The following EHBP1 variants were observed in gnomAD, a reference collection of about 807,000 sequenced individuals.
The protein encoded by EHBP1 is EH domain-binding protein 1.
In EHBP1, 55 loss-of-function variants were observed where a neutral mutation model predicts 144.0. The observed-to-expected ratio is 0.38, with a 90% confidence interval of 0.31 to 0.48. The LOEUF is 0.48. Ranked by LOEUF, EHBP1 falls within the 20% of genes least tolerant of loss-of-function variation. The pLI, the probability that EHBP1 is intolerant of heterozygous loss-of-function variation, is 0.98. For synonymous variants in EHBP1, 469 were observed against 472.7 expected (o/e 0.99, Z 0.10); for missense variants, 1,200 against 1,364.2 (o/e 0.88, Z 1.90).
intron 19 of EHBP1, among the ~76,000 whole-genome samples, chr2:63,024,314 C>T (rs533933970): frequency 5.9e-5 from 9 of 151,992 alleles, no homozygotes; most frequent in South Asian, 2.1e-4. Context: ...ATTGCACTGC[C>T]GCCTGGATGA....
chr2:63,026,562 A>G (rs1348960985), intron 19 of EHBP1, among the ~76,000 whole-genome samples: 1 of 152,222 alleles, frequency 6.6e-6, no homozygotes, highest in Non-Finnish European at 1.5e-5. Context: ...ACACAAGTTC[A>G]TATAGCTCTT....
At chr2:62,762,386 T>C (rs1013300427) in intron 3 of EHBP1, among the ~76,000 whole-genome samples, 5 of 152,194 alleles carry the variant, frequency 3.3e-5, no homozygotes, top group African/African-American at 1.2e-4. Context: ...ACTTTAAATA[T>C]TACCTGTATG....
Position 62,707,000 on chromosome 2 carries a change from C to T in EHBP1, c.-192C>T. Reference sequence around the variant, plus strand: ...GTCACGTATATCATAGTGTTCTTGACTGGGCCATTCATCTAAGATGGGATT... The same window carrying T: ...GTCACGTATATCATAGTGTTCTTGATTGGGCCATTCATCTAAGATGGGATT... On this transcript the variant is annotated 5_prime_UTR_variant, in exon 2 of 23. Transcript: ENST00000431489. The T allele has an allele frequency of 1.8e-6, 1 of 559,916 alleles. No individual in the cohort carries two copies. The highest frequency in any genetic ancestry group is 3.2e-6 in the Non-Finnish European group (1 of 309,954). The allele number at this position is 559,916 out of a possible 1,614,324, so 34.7% of individuals were successfully genotyped here.
chr2:62,793,235 TA>T (rs1464549994), intron 5 of EHBP1, among the ~76,000 whole-genome samples: 1 of 152,088 alleles, frequency 6.6e-6, no homozygotes, highest in African/African-American at 2.4e-5. Flanking sequence ...TGGATAGGTA[TA>T]AAAGATCAAT....
intron 10 of EHBP1, among the ~76,000 whole-genome samples, chr2:62,900,867 A>G (rs2053361139): frequency 6.6e-6 from 1 of 152,072 alleles, no homozygotes; most frequent in African/African-American, 2.4e-5. Flanking sequence ...CTTCTTGGAA[A>G]GTATATCTTA....
At position 62,714,582 on chromosome 2, in the gene EHBP1, G is replaced by A. The variant is rs571868218; in HGVS notation, c.104+7287G>A. Among the ~76,000 whole-genome samples, 108 of 152,274 alleles carry A rather than the reference G, an allele frequency of 7.1e-4. 1 individual carries two copies. The highest frequency in any genetic ancestry group is 2.4e-3 in the African/African-American group (101 of 41,552). ...ACTACTTCCAGCATAGAGTTGTTTT[G>A]AAGATTAAGTAAGATAATACCTGTA... On this transcript the variant is annotated intron_variant, in intron 2 of 22. Transcript: ENST00000431489.
At chr2:62,832,187 T>G (rs2046864772) in intron 7 of EHBP1, among the ~76,000 whole-genome samples, 1 of 152,230 alleles carries the variant, frequency 6.6e-6, no homozygotes, top group South Asian at 2.1e-4. Context: ...CTTTGTTTAT[T>G]TATTTCTAGT....
chr2:62,833,533 G>T (rs762794005), intron 7 of EHBP1, among the ~76,000 whole-genome samples: 28 of 152,168 alleles, frequency 1.8e-4, no homozygotes, highest in Non-Finnish European at 3.7e-4. Context: ...TTATCGCGTG[G>T]TTTACTGAAT....
chr2:62,964,377 A>G (rs947133796), intron 14 of EHBP1, among the ~76,000 whole-genome samples: 2 of 152,222 alleles, frequency 1.3e-5, no homozygotes, highest in African/African-American at 4.8e-5. Flanking sequence ...CGTGTTGAAC[A>G]TCCCAGGATG....
intron 19 of EHBP1, among the ~76,000 whole-genome samples, chr2:63,002,005 G>A: frequency 6.6e-6 from 1 of 152,292 alleles, no homozygotes; most frequent in Middle Eastern, 3.4e-3. Context: ...ACAAGCTCAT[G>A]TGCCTCTTAA....
chr2:62,710,526 T>C (rs1216581110), intron 2 of EHBP1, among the ~76,000 whole-genome samples: 1 of 150,980 alleles, frequency 6.6e-6, no homozygotes, highest in Non-Finnish European at 1.5e-5. Context: ...ATAATTTTAA[T>C]TATAATTTAT....
chr2:62,699,215 T>C (rs1168124543), intron 1 of EHBP1, among the ~76,000 whole-genome samples: 2 of 152,342 alleles, frequency 1.3e-5, no homozygotes, highest in East Asian at 1.9e-4. Flanking sequence ...CTGGATGCTG[T>C]ATCTGGTTAC....
chr2:63,044,981 A>G, intron 21 of EHBP1, 85 bp from the exon 22 acceptor site: 1 of 986,002 alleles, frequency 1.0e-6, no homozygotes, highest in Non-Finnish European at 1.5e-6. Flanking sequence ...AATATAAGGA[A>G]ACTGGAAAAG....
At chr2:62,685,100 T>C (rs1200235656) in intron 1 of EHBP1, among the ~76,000 whole-genome samples, 1 of 152,164 alleles carries the variant, frequency 6.6e-6, no homozygotes, top group African/African-American at 2.4e-5. Context: ...ACAAGGTATA[T>C]TGGACAGTCT....
intron 21 of EHBP1, among the ~76,000 whole-genome samples, chr2:63,042,699 A>G (rs1261683855): frequency 6.6e-6 from 1 of 151,922 alleles, no homozygotes; most frequent in Non-Finnish European, 1.5e-5. Flanking sequence ...AATTTTCTTT[A>G]ATGTCCTCTC....
intron 1 of EHBP1, among the ~76,000 whole-genome samples, chr2:62,675,005 G>T (rs115647015): frequency 0.012 from 1,872 of 152,268 alleles, 34 homozygotes; most frequent in African/African-American, 0.043. Flanking sequence ...CAGAGAGGGA[G>T]AACTTGAGTT....
chr2:62,804,065 T>C (rs1184247506), intron 5 of EHBP1, among the ~76,000 whole-genome samples: 6 of 152,364 alleles, frequency 3.9e-5, no homozygotes, highest in Admixed American at 3.3e-4. Flanking sequence ...AAGTAGCTTC[T>C]ATTGTTATTT....
chr2:62,897,126 T>A (rs2053002887), intron 10 of EHBP1, among the ~76,000 whole-genome samples: 1 of 152,208 alleles, frequency 6.6e-6, no homozygotes, highest in African/African-American at 2.4e-5. Context: ...TTGTGTATTC[T>A]CCTCGTAGTT....
intron 5 of EHBP1, among the ~76,000 whole-genome samples, chr2:62,802,324 C>G (rs972903667): frequency 3.9e-5 from 6 of 152,134 alleles, no homozygotes; most frequent in Admixed American, 6.5e-5. Flanking sequence ...CACTGGCCAT[C>G]TAGTGGGTAG....
Sources: gnomAD v4.1 joint callset for allele counts (sites outside exome capture counted in the v4.1 genomes callset) on GRCh38, gnomAD v4.1.1 for gene constraint, MANE v1.5 for transcripts, NCBI Gene and HGNC (gene_info 2026-07-23, HGNC 2026-07-21) for gene names.